Variants in MXD4 observed in about 807,000 individuals in gnomAD.
MXD4 encodes MAX dimerization protein 4, also known as Mad4 homolog.
In MXD4, 16 loss-of-function variants were observed where a neutral mutation model predicts 24.5. The ratio of observed to expected loss-of-function variants is 0.65; its 90% CI spans 0.44 to 0.99. The LOEUF (loss-of-function observed/expected upper bound fraction) is 0.99. Among genes scored for constraint, MXD4 ranks in the 50% least tolerant of loss-of-function variants. MXD4 has a pLI of 0.00. For missense variants in MXD4, 301 were observed against 301.5 expected (o/e 1.00, Z 0.01); for synonymous variants, 164 against 134.2 (o/e 1.22, Z -1.54).
Position 2,251,140 on chromosome 4 carries a change from T to C in MXD4, c.416A>G (p.Glu139Gly), listed in dbSNP as rs771049128. 1 of 1,601,290 alleles carries C rather than the reference T, an allele frequency of 6.2e-7. No individual in the cohort carries two copies. Among genetic ancestry groups the C allele is most frequent in the Non-Finnish European group, 8.5e-7 (1 of 1,173,974 alleles). ...RLEQLSVQSVERVRTDSTGSA... is the reference protein window; with the variant it reads ...RLEQLSVQSVGRVRTDSTGSA... ...GCCCGTGCTATCTGTGCGCACGCGC[T>C]CCACGCTCTGCACCGACAGCTGCTC... The change falls in exon 5 of 6, where the codon GAG becomes GGG. Residue 139 changes from glutamate to glycine, a missense_variant. Transcript: ENST00000337190.
At chr4:2,256,673 C>T (rs572246647) in intron 3 of MXD4, among the ~76,000 whole-genome samples, 1 of 152,122 alleles carries the variant, frequency 6.6e-6, no homozygotes, top group Non-Finnish European at 1.5e-5. Context: ...CTCTGTGTCT[C>T]AAGAAGGCCC....
intron 3 of MXD4, 191 bp from the exon 4 acceptor site, chr4:2,252,713 C>T: frequency 1.8e-6 from 1 of 546,478 alleles, no homozygotes; most frequent in Non-Finnish European, 3.3e-6. Flanking sequence ...ACACCCACAG[C>T]CCCCAGACAC....
chr4:2,252,517 G>A lies in MXD4; in HGVS notation c.200C>T (p.Ala67Val). The part of the protein sequence containing the change: ...SHNELEKHRR[A>V]KLRLYLEQLK... ...CTGCTCAAGGTACAGCCTGAGTTTG[G>A]CTCGTCTGAAAGAGCCAGAGACAGA... The change falls in exon 4 of 6, where the codon GCC becomes GTC. Residue 67 changes from alanine (A) to valine (V), a missense_variant. Coordinates refer to ENST00000337190, the MANE Select transcript of MXD4 (RefSeq NM_006454.3). 1 of 1,610,496 alleles carries A rather than the reference G, an allele frequency of 6.2e-7. No individual in the cohort carries two copies. The highest frequency in any genetic ancestry group is 8.5e-7 in the Non-Finnish European group (1 of 1,179,026).
Position 2,261,897 on chromosome 4 carries a change from C to T in MXD4, c.64+20G>A. 1.4e-6 allele frequency: 2 copies of T among 1,438,716 alleles called. No homozygotes were observed. Among genetic ancestry groups the T allele is most frequent in the Non-Finnish European group, 1.8e-6 (2 of 1,096,002 alleles). The allele number at this position is 1,438,716 out of a possible 1,614,324, so 89.1% of individuals were successfully genotyped here. On this transcript the variant is annotated intron_variant, in intron 1 of 5. Coordinates refer to ENST00000337190, the MANE Select transcript of MXD4 (RefSeq NM_006454.3). Reference sequence around the variant, plus strand: ...CCGCCCGCCCACCGCCGCGGGCGCACAATGGGGTGCGAGCGCTACCTCGAT... The same window carrying T: ...CCGCCCGCCCACCGCCGCGGGCGCATAATGGGGTGCGAGCGCTACCTCGAT...
At chr4:2,261,696 C>T (rs1735550347) in intron 2 of MXD4, 29 bp downstream of exon 2, 1 of 1,238,290 alleles carries the variant, frequency 8.1e-7, no homozygotes, top group Non-Finnish European at 1.0e-6. Flanking sequence ...CGGACCGGGC[C>T]GGGCGGGGTC....
chr4:2,253,415 C>A (rs566775867), intron 3 of MXD4: 2 of 152,400 alleles, frequency 1.3e-5, no homozygotes, highest in East Asian at 3.9e-4. Flanking sequence ...TTGTCACTGC[C>A]ATGTTCAACC....
rs776276411 is a variant in MXD4 at position 2,251,174 on chromosome 4, G to A, written c.382C>T (p.Arg128Trp). The change falls in exon 5 of 6, where the codon CGG becomes TGG. Residue 128 changes from arginine (R) to tryptophan (W), a missense_variant. Arg to Trp is a moderately radical substitution (Grantham distance 101). Coordinates refer to ENST00000337190, the MANE Select transcript of MXD4 (RefSeq NM_006454.3). ...TGCACCGACAGCTGCTCCAGGCGCC[G>A]CTTCAGGAAACGATGCTCCTGCTGC... ...QLQQEHRFLK[R>W]RLEQLSVQSV... 8 of 1,603,296 alleles carry A rather than the reference G, an allele frequency of 5.0e-6. No homozygotes were observed. Among genetic ancestry groups the A allele is most frequent in the Middle Eastern group, 1.7e-4 (1 of 5,888 alleles).
chr4:2,250,719 G>C lies in MXD4; in HGVS notation c.473-18C>G, dbSNP rs1424839659. The C allele has an allele frequency of 4.3e-6, 7 of 1,610,626 alleles. No individual in the cohort carries two copies. The highest frequency in any genetic ancestry group is 2.2e-5 in the East Asian group (1 of 44,814). On this transcript the variant is annotated intron_variant, in intron 5 of 5. Transcript: ENST00000337190. ...GTCCACTTCTAGGGAGAATAGAGTG[G>C]GGATGGGGTCAGGCCACTCTGAGGG... is the stretch of plus-strand genomic sequence containing the variant.
chr4:2,261,774 T>G lies in MXD4; in HGVS notation c.115A>C (p.Arg39=). The G allele has an allele frequency of 7.0e-7, 1 of 1,429,052 alleles. No individual in the cohort carries two copies. The highest frequency in any genetic ancestry group is 9.2e-7 in the Non-Finnish European group (1 of 1,084,094). 88.5% of individuals were successfully genotyped at this position (1,429,052 alleles called of 1,614,324 possible). A position where few individuals can be genotyped will look rare whatever the true frequency, so the allele number is the denominator to read the frequency against. ...AGGCCGGCCGCCTTTGTTTTCTCCC[T>G]GGCGAAGTCGCCGTCGAAGGGCAGC... ...SVLPFDGDFA[R]EKTKAAGLVR... is the part of the protein sequence containing the mutation. Residue 39 remains arginine (R), a synonymous_variant, in exon 2 of 6, where the codon AGG becomes CGG. Transcript: ENST00000337190.
rs759331238 is a variant in MXD4 at position 2,261,907 on chromosome 4, C to T, written c.64+10G>A. ...ACCGCCGCGGGCGCACAATGGGGTG[C>T]GAGCGCTACCTCGATCCCTGCGCTC... On this transcript the variant is annotated intron_variant, in intron 1 of 5. Coordinates refer to ENST00000337190, the MANE Select transcript of MXD4 (RefSeq NM_006454.3). 17 of 1,452,820 alleles carry T rather than the reference C, an allele frequency of 1.2e-5. No individual in the cohort carries two copies. The highest frequency in any genetic ancestry group is 1.3e-5 in the Non-Finnish European group (14 of 1,101,920). 90.0% of individuals were successfully genotyped at this position (1,452,820 alleles called of 1,614,324 possible). A position where few individuals can be genotyped will look rare whatever the true frequency, so the allele number is the denominator to read the frequency against.
At chr4:2,259,022 A>T (rs746235560) in intron 2 of MXD4, 1 of 452,000 alleles carries the variant, frequency 2.2e-6, no homozygotes, top group South Asian at 1.6e-5. Context: ...AGGACCCCAC[A>T]GGCCAGCCAG....
Position 2,250,314 on chromosome 4 carries a change from G to A in MXD4, c.*230C>T, listed in dbSNP as rs751884475. 32 of 595,832 alleles carry A rather than the reference G, an allele frequency of 5.4e-5. No homozygotes were observed. The highest frequency in any genetic ancestry group is 8.8e-5 in the Non-Finnish European group (30 of 341,396). 36.9% of individuals were successfully genotyped at this position (595,832 alleles called of 1,614,324 possible). A position where few individuals can be genotyped will look rare whatever the true frequency, so the allele number is the denominator to read the frequency against. On this transcript the variant is annotated 3_prime_UTR_variant, in exon 6 of 6. Coordinates refer to ENST00000337190, the MANE Select transcript of MXD4 (RefSeq NM_006454.3). ...CTATGCTGACCAGGGCTCCGGATGT[G>A]GAAGCTGGGCCCTGCCTCCTTGCAG... is the stretch of plus-strand genomic sequence containing the variant.
Position 2,251,234 on chromosome 4 carries a change from G to A in MXD4, c.322C>T (p.Gln108Ter). 6.3e-7 allele frequency: 1 copy of A among 1,599,278 alleles called. No individual in the cohort carries two copies. The highest frequency in any genetic ancestry group is 8.5e-7 in the Non-Finnish European group (1 of 1,170,570). Reference protein sequence around the residue: ...AKVHIKKLEEQDRRALSIKEQ... With the variant: ...AKVHIKKLEE The stretch of plus-strand genomic sequence containing the variant: ...TTGATGCTCAGTGCCCGGCGGTCCT[G>A]CTCCTCCAGTTTCTGGGGTCGAGGG... The change falls in exon 5 of 6, where the codon CAG becomes TAG. Residue 108 changes from glutamine to a stop codon, truncating the protein, a stop_gained. Coordinates refer to ENST00000337190, the MANE Select transcript of MXD4 (RefSeq NM_006454.3). LOFTEE classifies it high-confidence loss of function.
rs768558249 is a variant in MXD4 at position 2,251,238 on chromosome 4, C to T, written c.318G>A (p.Glu106=). Residue 106 remains glutamate (E), a synonymous_variant, in exon 5 of 6, where the codon GAG becomes GAA. Coordinates refer to ENST00000337190, the MANE Select transcript of MXD4 (RefSeq NM_006454.3). The part of the protein sequence containing the change: ...KRAKVHIKKL[E]EQDRRALSIK... ...TGCTCAGTGCCCGGCGGTCCTGCTC[C>T]TCCAGTTTCTGGGGTCGAGGGGGGC... 7 of 1,596,812 alleles carry T rather than the reference C, an allele frequency of 4.4e-6. No homozygotes were observed. The highest frequency in any genetic ancestry group is 6.0e-6 in the Non-Finnish European group (7 of 1,168,710).
rs760427302 is a variant in MXD4 at position 2,261,913 on chromosome 4, C to G, written c.64+4G>C. 27 of 1,460,106 alleles carry G rather than the reference C, an allele frequency of 1.8e-5. No individual in the cohort carries two copies. Among genetic ancestry groups the G allele is most frequent in the Non-Finnish European group, 2.3e-5 (25 of 1,105,338 alleles). The allele number at this position is 1,460,106 out of a possible 1,614,324, so 90.4% of individuals were successfully genotyped here. ...GCGGGCGCACAATGGGGTGCGAGCG[C>G]TACCTCGATCCCTGCGCTCCAGGTA... On this transcript the variant is annotated splice_donor_region_variant and intron_variant, in intron 1 of 5. Coordinates refer to ENST00000337190, the MANE Select transcript of MXD4 (RefSeq NM_006454.3).
At position 2,251,222 on chromosome 4, in the gene MXD4, C is replaced by G; in HGVS notation, c.334G>C (p.Ala112Pro). The change falls in exon 5 of 6, where the codon GCA becomes CCA. Residue 112 changes from alanine to proline, a missense_variant. Transcript: ENST00000337190. The stretch of plus-strand genomic sequence containing the variant: ...TGCAGCTGCTCCTTGATGCTCAGTG[C>G]CCGGCGGTCCTGCTCCTCCAGTTTC... ...IKKLEEQDRRALSIKEQLQQE... is the reference protein window; with the variant it reads ...IKKLEEQDRRPLSIKEQLQQE... 1 of 1,605,180 alleles carries G rather than the reference C, an allele frequency of 6.2e-7. No homozygotes were observed. The highest frequency in any genetic ancestry group is 8.5e-7 in the Non-Finnish European group (1 of 1,174,982).
Position 2,249,950 on chromosome 4 carries a change from G to GCC in MXD4, c.*592_*593dup, listed in dbSNP as rs894502559. 2 of 153,688 alleles carry GCC rather than the reference G, an allele frequency of 1.3e-5. No individual in the cohort carries two copies. The highest frequency in any genetic ancestry group is 4.8e-5 in the African/African-American group (2 of 41,448). The allele number at this position is 153,688 out of a possible 1,614,324, so 9.5% of individuals were successfully genotyped here. The stretch of plus-strand genomic sequence containing the variant: ...GGCGTGGGCTGGGCTGGCCTGCCTG[G>GCC]CCCCGAGAGCCCAGCCCTAGGTTCT... On this transcript the variant is annotated 3_prime_UTR_variant, in exon 6 of 6. Transcript: ENST00000337190.
At chr4:2,253,183 C>G (rs949558974) in intron 3 of MXD4, 3 of 152,588 alleles carry the variant, frequency 2.0e-5, no homozygotes, top group Non-Finnish European at 2.9e-5. Flanking sequence ...CCACAATCCT[C>G]CAGGACACAT....
intron 2 of MXD4, among the ~76,000 whole-genome samples, chr4:2,258,268 G>A (rs1382888503): frequency 6.6e-6 from 1 of 152,220 alleles, no homozygotes; most frequent in Non-Finnish European, 1.5e-5. Context: ...ACGCCCTGGA[G>A]TTCTCCATGG....
Sources: allele counts gnomAD v4.1 joint callset (sites outside exome capture counted in the v4.1 genomes callset), GRCh38; gene constraint gnomAD v4.1.1; transcripts MANE v1.5; gene names NCBI Gene and HGNC (gene_info 2026-07-23, HGNC 2026-07-21).